Variants in ABLIM1 observed in about 807,000 individuals in gnomAD.
The protein encoded by ABLIM1 is actin binding LIM protein 1, also known as actin-binding LIM protein 1.
A neutral mutation model predicts 107.0 loss-of-function variants in ABLIM1; 40 were observed. That is an observed-to-expected ratio of 0.37 (90% confidence interval 0.29 to 0.49). The LOEUF is 0.49. ABLIM1 is among the 20% of genes least tolerant of loss of function. The pLI, the probability that ABLIM1 is intolerant of heterozygous loss-of-function variation, is 0.97. For missense variants in ABLIM1, 857 were observed against 1,008.5 expected (o/e 0.85, Z 2.04); for synonymous variants, 357 against 357.3 (o/e 1.00, Z 0.01).
intron 20 of ABLIM1, 157 bp downstream of exon 20, chr10:114,439,925 C>G: frequency 7.8e-7 from 1 of 1,287,878 alleles, no homozygotes; most frequent in South Asian, 1.4e-5. Flanking sequence ...AGGCACCAGG[C>G]ATGTCTGCTC....
At chr10:114,653,084 C>T (rs891409817) in intron 1 of ABLIM1, among the ~76,000 whole-genome samples, 2 of 152,204 alleles carry the variant, frequency 1.3e-5, no homozygotes, top group African/African-American at 2.4e-5. Context: ...GTTGAGACCA[C>T]GAACCTGGGT....
chr10:114,674,613 A>G (rs755427760), intron 1 of ABLIM1, among the ~76,000 whole-genome samples: 32 of 152,112 alleles, frequency 2.1e-4, no homozygotes, highest in Non-Finnish European at 4.1e-4. Flanking sequence ...ATTAAATGAG[A>G]TTTAAATTAG....
intron 8 of ABLIM1, among the ~76,000 whole-genome samples, chr10:114,476,679 T>TAAA (rs34841876): frequency 5.0e-5 from 7 of 138,810 alleles, no homozygotes; most frequent in Non-Finnish European, 9.5e-5. Flanking sequence ...ATAATAATAA[T>TAAA]AAAGTGCAAT....
chr10:114,452,471 G>GGATT (rs2062059320), intron 13 of ABLIM1, among the ~76,000 whole-genome samples: 1 of 151,996 alleles, frequency 6.6e-6, no homozygotes, highest in African/African-American at 2.4e-5. Context: ...AGAAAGGACA[G>GGATT]TCCCAACTAA....
chr10:114,526,559 G>A lies in ABLIM1; in HGVS notation c.894+18446C>T, dbSNP rs1450126580. On this transcript the variant is annotated intron_variant, in intron 6 of 22. Transcript: ENST00000533213. Reference sequence around the variant, plus strand: ...CGCCAGCATCCAGCCACCACATTTGGAGGATCCGAGCGGCCTCCGACCTCA... The same window carrying A: ...CGCCAGCATCCAGCCACCACATTTGAAGGATCCGAGCGGCCTCCGACCTCA... 8 of 886,026 alleles carry A rather than the reference G, an allele frequency of 9.0e-6. No homozygotes were observed. The Admixed American group carries it at 4.3e-4, about 48-fold the overall frequency. The allele number at this position is 886,026 out of a possible 1,614,324, so 54.9% of individuals were successfully genotyped here.
chr10:114,566,492 T>C lies in ABLIM1; in HGVS notation c.673+4805A>G, dbSNP rs993763947. Among the ~76,000 whole-genome samples the C allele has an allele frequency of 3.9e-5, 6 of 152,320 alleles. No homozygotes were observed. The East Asian group carries it at 1.2e-3, about 29-fold the overall frequency. On this transcript the variant is annotated intron_variant, in intron 4 of 22. Transcript: ENST00000533213. Reference sequence around the variant, plus strand: ...TAAATACATGAAGAAGGGAGTGGAATGAAGCTTTCGAAGATTGTACTTAAC... The same window carrying C: ...TAAATACATGAAGAAGGGAGTGGAACGAAGCTTTCGAAGATTGTACTTAAC...
intron 12 of ABLIM1, among the ~76,000 whole-genome samples, chr10:114,459,106 C>G (rs975461324): frequency 1.2e-4 from 18 of 152,240 alleles, no homozygotes; most frequent in Non-Finnish European, 2.4e-4. Context: ...GGGTCACATG[C>G]TGCAAAAACA....
At position 114,491,731 on chromosome 10, in the gene ABLIM1, A is replaced by G. The variant is rs1590365018; in HGVS notation, c.982+60T>C. The G allele has an allele frequency of 6.8e-6, 10 of 1,474,228 alleles. No individual in the cohort carries two copies. The East Asian group carries it at 2.3e-4, about 34-fold the overall frequency. 91.3% of individuals were successfully genotyped at this position (1,474,228 alleles called of 1,614,324 possible). On this transcript the variant is annotated intron_variant, in intron 7 of 22. Transcript: ENST00000533213. The stretch of plus-strand genomic sequence containing the variant: ...CTTCTCTAAAAACAATCAAACAAAC[A>G]TAGCAAGATTTCCTTTCCCCCAGCA...
intron 1 of ABLIM1, among the ~76,000 whole-genome samples, chr10:114,650,608 G>A (rs1363547324): frequency 6.6e-6 from 1 of 151,922 alleles, no homozygotes; most frequent in African/African-American, 2.4e-5. Flanking sequence ...AAAAAAAGCT[G>A]GACCAAGTAG....
At chr10:114,647,887 C>A (rs1361134008) in intron 1 of ABLIM1, among the ~76,000 whole-genome samples, 1 of 152,206 alleles carries the variant, frequency 6.6e-6, no homozygotes, top group Admixed American at 6.5e-5. Context: ...TAAATGATTT[C>A]TCAAAGTAAA....
At chr10:114,474,660 G>T (rs955550681) in intron 8 of ABLIM1, among the ~76,000 whole-genome samples, 1 of 152,170 alleles carries the variant, frequency 6.6e-6, no homozygotes, top group Non-Finnish European at 1.5e-5. Flanking sequence ...GATTACAGGC[G>T]TGAGCCACCG....
At chr10:114,528,856 A>T (rs1487382538) in intron 6 of ABLIM1, among the ~76,000 whole-genome samples, 6 of 152,236 alleles carry the variant, frequency 3.9e-5, no homozygotes, top group Non-Finnish European at 8.8e-5. Flanking sequence ...CACACTTCAA[A>T]CAAGATATGC....
chr10:114,460,444 T>A (rs567859530), intron 12 of ABLIM1, among the ~76,000 whole-genome samples: 1 of 151,944 alleles, frequency 6.6e-6, no homozygotes, highest in East Asian at 1.9e-4. Flanking sequence ...CTACTAAAAA[T>A]ACGAAAATTA....
At chr10:114,638,622 T>TAC (rs59605861) in intron 1 of ABLIM1, among the ~76,000 whole-genome samples, 4,486 of 143,722 alleles carry the variant, frequency 0.031, 125 homozygotes, top group African/African-American at 0.069. Context: ...ATGCCCTGCC[T>TAC]ACACACACAC....
intron 6 of ABLIM1, among the ~76,000 whole-genome samples, chr10:114,496,936 C>G (rs1234265660): frequency 6.6e-6 from 1 of 152,178 alleles, no homozygotes; most frequent in African/African-American, 2.4e-5. Context: ...CATAGGCACC[C>G]ATGATGGTTC....
chr10:114,613,774 C>T, intron 1 of ABLIM1: 1 of 1,293,548 alleles, frequency 7.7e-7, no homozygotes, highest in Admixed American at 2.3e-5. Context: ...GAACTACTCT[C>T]TAAACACCTA....
intron 1 of ABLIM1, among the ~76,000 whole-genome samples, chr10:114,665,243 G>T (rs1489653815): frequency 6.6e-6 from 1 of 152,206 alleles, no homozygotes; most frequent in Non-Finnish European, 1.5e-5. Context: ...AGTCCACAAG[G>T]GGTGTGTCAA....
Position 114,465,691 on chromosome 10 carries a change from C to T in ABLIM1, c.1441+7G>A. ...TATAGAGTGAATCCAGGAACAGTCACCCTTACCAGGTCTGTGGAAATGCTG... is the reference window on the plus strand; with the variant it reads ...TATAGAGTGAATCCAGGAACAGTCATCCTTACCAGGTCTGTGGAAATGCTG... On this transcript the variant is annotated splice_region_variant and intron_variant, in intron 12 of 22. Transcript: ENST00000533213. 2 of 1,613,882 alleles carry T rather than the reference C, an allele frequency of 1.2e-6. No individual in the cohort carries two copies. The highest frequency in any genetic ancestry group is 1.7e-6 in the Non-Finnish European group (2 of 1,179,864).
intron 1 of ABLIM1, among the ~76,000 whole-genome samples, chr10:114,625,594 G>A (rs1269256264): frequency 1.3e-5 from 2 of 152,150 alleles, no homozygotes; most frequent in Non-Finnish European, 2.9e-5. Context: ...CCTTCAAGGA[G>A]CTCTATAAGG....
Sources: gnomAD v4.1 joint callset for allele counts (sites outside exome capture counted in the v4.1 genomes callset) on GRCh38, gnomAD v4.1.1 for gene constraint, MANE v1.5 for transcripts, NCBI Gene and HGNC (gene_info 2026-07-23, HGNC 2026-07-21) for gene names.